Variants in FGF3 observed in about 807,000 individuals in gnomAD.
FGF3 encodes fibroblast growth factor 3, also known as FGF-3.
FGF3 carries 7 observed loss-of-function variants against 9.8 expected under a neutral mutation model. The ratio of observed to expected loss-of-function variants is 0.72; its 90% CI spans 0.41 to 1.35. FGF3 has a LOEUF of 1.35. Among genes scored for constraint, FGF3 ranks in the 40% most tolerant of loss-of-function variants. FGF3 has a pLI of 0.01. For synonymous variants in FGF3, 173 were observed against 157.2 expected, an observed-to-expected ratio of 1.10 and a Z score of -0.75; for missense variants, 390 against 345.6, an observed-to-expected ratio of 1.13 and a Z score of -1.02.
At chr11:69,816,575 GGGA>G in intron 1 of FGF3, 152 bp from the exon 2 acceptor site, 4 of 662,084 alleles carry the variant, frequency 6.0e-6, no homozygotes, top group Non-Finnish European at 1.1e-5. Context: ...AGTTCAGGAA[GGGA>G]GAAGTCACCG....
chr11:69,819,021 G>T lies in FGF3; in HGVS notation c.-88C>A, dbSNP rs1856194616. 1.2e-6 allele frequency: 1 copy of T among 858,118 alleles called. No homozygotes were observed. Among genetic ancestry groups the T allele is most frequent in the Non-Finnish European group, 1.7e-6 (1 of 602,256 alleles). The allele number at this position is 858,118 out of a possible 1,614,324, so 53.2% of individuals were successfully genotyped here. ...GGCGGCAGCCGGACAGCTGCGAGGT[G>T]CTCGGAGCGGGATCCCGCGCCTGGA... On this transcript the variant is annotated 5_prime_UTR_variant, in exon 1 of 3. Transcript: ENST00000334134.
At chr11:69,817,721 C>T (rs1856159075) in intron 1 of FGF3, among the ~76,000 whole-genome samples, 1 of 152,208 alleles carries the variant, frequency 6.6e-6, no homozygotes, top group Admixed American at 6.5e-5. Flanking sequence ...CCGCTTCCTG[C>T]GCCCGGGGCC....
chr11:69,811,181 C>T (rs1565113958), intron 2 of FGF3, among the ~76,000 whole-genome samples: 3 of 152,198 alleles, frequency 2.0e-5, no homozygotes, highest in Non-Finnish European at 2.9e-5. Context: ...GGCACGGTGG[C>T]TCATGCCTGT....
In FGF3 at chr11:69,810,399, CG is replaced by C; in HGVS notation, c.625del (p.Arg209AspfsTer114). The C allele has an allele frequency of 6.4e-7, 1 of 1,559,366 alleles. No homozygotes were observed. Among genetic ancestry groups the C allele is most frequent in the Non-Finnish European group, 8.7e-7 (1 of 1,148,966 alleles). On this transcript the variant is annotated frameshift_variant, in exon 3 of 3. Coordinates refer to ENST00000334134, the MANE Select transcript of FGF3 (RefSeq NM_005247.4). LOFTEE classifies it low-confidence loss of function (END_TRUNC). ...CGGGCTCTGCTTCTGCCGCCGCCGT[CG>C]GGGCTGGACCCCCTTACCAGGGGGT... ...PRPPGKGVQPRRRRQKQSPDN... is the reference protein window; with the variant it reads ...PRPPGKGVQPXRRRQKQSPDN...
At chr11:69,816,170 G>C in intron 2 of FGF3, 150 bp downstream of exon 2, 1 of 719,626 alleles carries the variant, frequency 1.4e-6, no homozygotes. Flanking sequence ...ATCACTGGGC[G>C]TGGAGCCCTG....
rs1856027995 is a variant in FGF3 at position 69,811,430 on chromosome 11, A to G, written c.325-730T>C. Among the ~76,000 whole-genome samples the G allele has an allele frequency of 2.0e-5, 3 of 148,186 alleles. 1 individual carries two copies. The South Asian group carries it at 6.5e-4, about 32-fold the overall frequency. On this transcript the variant is annotated intron_variant, in intron 2 of 2. Coordinates refer to ENST00000334134, the MANE Select transcript of FGF3 (RefSeq NM_005247.4). ...GTGCCACTGCACTCCAGTCTGGGCG[A>G]CAAGAGCAAAACTCTGACTCAAAAA...
chr11:69,813,922 G>GGCT (rs1554980801), intron 2 of FGF3, among the ~76,000 whole-genome samples: 21 of 112,266 alleles, frequency 1.9e-4, no homozygotes, highest in Non-Finnish European at 3.0e-4. Flanking sequence ...ATTGCTGGAT[G>GGCT]GATTGGTGGA....
chr11:69,817,217 G>A (rs1333132599), intron 1 of FGF3, among the ~76,000 whole-genome samples: 2 of 152,036 alleles, frequency 1.3e-5, no homozygotes, highest in African/African-American at 4.8e-5. Flanking sequence ...AGGCTGCGAG[G>A]GGATTGGGGC....
In FGF3 at chr11:69,810,558, G is replaced by C. The variant is rs1856009462; in HGVS notation, c.467C>G (p.Ser156Cys). Residue 156 changes from serine (S) to cysteine (C), a missense_variant, in exon 3 of 3, where the codon TCT becomes TGT. By Grantham distance (112) the Ser-to-Cys change is moderately radical. Coordinates refer to ENST00000334134, the MANE Select transcript of FGF3 (RefSeq NM_005247.4). ...QPSAERLWYV[S>C]VNGKGRPRRG... ...GCGGGGCCGGCCCTTGCCGTTCACA[G>C]ACACGTACCACAGTCTCTCGGCGCT... 1.2e-6 allele frequency: 2 copies of C among 1,612,888 alleles called. No individual in the cohort carries two copies. Among genetic ancestry groups the C allele is most frequent in the Non-Finnish European group, 1.7e-6 (2 of 1,179,784 alleles).
chr11:69,818,312 A>G (rs1554981316), intron 1 of FGF3, among the ~76,000 whole-genome samples: 1 of 152,196 alleles, frequency 6.6e-6, no homozygotes, highest in African/African-American at 2.4e-5. Context: ...CGACACATTC[A>G]AAGGGCTTAA....
At chr11:69,813,666 G>A (rs1554980712) in intron 2 of FGF3, among the ~76,000 whole-genome samples, 1 of 135,068 alleles carries the variant, frequency 7.4e-6, no homozygotes, top group African/African-American at 2.8e-5. Flanking sequence ...ATGGATGGGT[G>A]GATGGCTGGA....
chr11:69,812,466 C>T (rs563725307), intron 2 of FGF3, among the ~76,000 whole-genome samples: 1 of 152,144 alleles, frequency 6.6e-6, no homozygotes, highest in South Asian at 2.1e-4. Flanking sequence ...AGGCCCAGTG[C>T]CCCCTGGGCC....
chr11:69,813,836 ATGGCTGGT>A (rs1856079016), intron 2 of FGF3, among the ~76,000 whole-genome samples: 1 of 121,612 alleles, frequency 8.2e-6, no homozygotes, highest in African/African-American at 2.8e-5. Flanking sequence ...GGATGGGTGG[ATGGCTGGT>A]TGGATGGATG....
rs138438115 is a variant in FGF3, at chr11:69,813,768, GTGGA to G, written c.324+2548_324+2551del. Among the ~76,000 whole-genome samples, 76 of 68,112 alleles carry G rather than the reference GTGGA, an allele frequency of 1.1e-3. 1 individual carries two copies. The highest frequency in any genetic ancestry group is 3.4e-3 in the East Asian group (6 of 1,762). The allele number at this position is 68,112 out of a possible 152,430, so 44.7% of individuals were successfully genotyped here. ...GCTGGATGGATGGATGGGTGGATGG[GTGGA>G]TGGATGGATGGATGGATGGATGGAT... On this transcript the variant is annotated intron_variant, in intron 2 of 2. Transcript: ENST00000334134.
At chr11:69,813,547 G>C (rs1355601848) in intron 2 of FGF3, among the ~76,000 whole-genome samples, 1 of 151,270 alleles carries the variant, frequency 6.6e-6, no homozygotes, top group African/African-American at 2.4e-5. Context: ...CAGATGGGTG[G>C]GTGGATGGAT....
intron 1 of FGF3, among the ~76,000 whole-genome samples, chr11:69,817,330 G>C (rs896969616): frequency 6.6e-6 from 1 of 152,170 alleles, no homozygotes; most frequent in African/African-American, 2.4e-5. Context: ...CCAGCCCAGG[G>C]GTGCTGTGGT....
Position 69,810,402 on chromosome 11 carries a change from G to C in FGF3, c.623C>G (p.Pro208Arg). Residue 208 changes from proline to arginine, a missense_variant, in exon 3 of 3, where the codon CCC becomes CGC. Physicochemically the swap from Pro to Arg is moderately radical, Grantham distance 103 (BLOSUM62 -2). Transcript: ENST00000334134. ...LPRPPGKGVQ[P>R]RRRRQKQSPD... ...GCTCTGCTTCTGCCGCCGCCGTCGG[G>C]GCTGGACCCCCTTACCAGGGGGTCT... The C allele has an allele frequency of 6.4e-7, 1 of 1,568,532 alleles. No homozygotes were observed.
At position 69,818,801 on chromosome 11, in the gene FGF3, G is replaced by T. The variant is rs782297586; in HGVS notation, c.133C>A (p.Arg45Ser). 3.4e-5 allele frequency: 50 copies of T among 1,491,446 alleles called. No individual in the cohort carries two copies. The African/African-American group carries it at 6.0e-4, about 18-fold the overall frequency. The allele number at this position is 1,491,446 out of a possible 1,614,324, so 92.4% of individuals were successfully genotyped here. Residue 45 changes from arginine (R) to serine (S), a missense_variant, in exon 1 of 3, where the codon CGC becomes AGC. By Grantham distance (110) the Arg-to-Ser change is moderately radical. Transcript: ENST00000334134. The part of the protein sequence containing the change: ...VYEHLGGAPR[R>S]RKLYCATKYH... ...TTCGTGGCGCAGTAGAGCTTGCGGC[G>T]CCGGGGCGCCCCGCCAAGGTGCTCG...
In FGF3 at chr11:69,810,051, C is replaced by T. The variant is rs1406843705; in HGVS notation, c.*254G>A. 2.1e-6 allele frequency: 1 copy of T among 466,178 alleles called. No individual in the cohort carries two copies. The highest frequency in any genetic ancestry group is 3.3e-5 in the East Asian group (1 of 30,242). The allele number at this position is 466,178 out of a possible 1,614,324, so 28.9% of individuals were successfully genotyped here. ...TGGGAGGCTCCTCAGTCTGCCAGGG[C>T]TGGCACTCAGGCCCTTCCCTGCCGG... On this transcript the variant is annotated 3_prime_UTR_variant, in exon 3 of 3. Transcript: ENST00000334134.
Sources: gnomAD v4.1 joint callset for allele counts (sites outside exome capture counted in the v4.1 genomes callset) on GRCh38, gnomAD v4.1.1 for gene constraint, MANE v1.5 for transcripts, NCBI Gene and HGNC (gene_info 2026-07-23, HGNC 2026-07-21) for gene names.